Variants in ZNF738 observed in about 807,000 individuals in gnomAD.
The protein encoded by ZNF738 is zinc finger protein 738.
Under a neutral mutation model 9.2 loss-of-function variants are expected in ZNF738, and 10 were observed. That is an observed-to-expected ratio of 1.09 (90% CI 0.67 to 1.85). The LOEUF (loss-of-function observed/expected upper bound fraction) is 1.85. ZNF738 is among the 40% of genes most tolerant of loss of function. ZNF738 has a pLI of 0.00. For missense variants in ZNF738, 346 were observed against 283.6 expected (o/e 1.22, Z -1.58); for synonymous variants, 113 against 94.5 (o/e 1.20, Z -1.14).
At chr19:21,381,904 G>T in intron 4 of ZNF738, 2 of 250,610 alleles carry the variant, frequency 8.0e-6, no homozygotes, top group South Asian at 1.0e-4. Context: ...CAGTTGCCTG[G>T]ACTAAGGAAG....
At chr19:21,375,788 C>T in intron 3 of ZNF738, 81 bp from the exon 4 acceptor site, 3 of 605,536 alleles carry the variant, frequency 5.0e-6, no homozygotes, top group South Asian at 2.1e-5. Context: ...ATTCTATTAC[C>T]TCCTCTTTAC....
At chr19:21,367,689 G>A (rs1973801159) in intron 2 of ZNF738, among the ~76,000 whole-genome samples, 2 of 152,100 alleles carry the variant, frequency 1.3e-5, no homozygotes, top group African/African-American at 4.8e-5. Flanking sequence ...CTTAGGGTGA[G>A]AGAATGAAAA....
intron 4 of ZNF738, chr19:21,378,469 TTTGGTGATGGTATTATACTCAC>T (rs1281378317): frequency 5.7e-6 from 1 of 175,436 alleles, no homozygotes; most frequent in Non-Finnish European, 1.4e-5. Flanking sequence ...GCAGGACAGA[TTTGGTGATGGTATTATACTCAC>T]TTGATAACTA....
At chr19:21,374,102 A>G (rs761415138) in intron 2 of ZNF738, among the ~76,000 whole-genome samples, 1 of 151,256 alleles carries the variant, frequency 6.6e-6, no homozygotes, top group Non-Finnish European at 1.5e-5. Flanking sequence ...GTGGATACTC[A>G]AGATTCCTAT....
At position 21,364,344 on chromosome 19, in the gene ZNF738, C is replaced by CG. The variant is rs568561195; in HGVS notation, c.96+2492dup. On this transcript the variant is annotated intron_variant, in intron 2 of 4. Transcript: ENST00000683779. ...AGAAAGAATGGAGGAGAATGGCAAA[C>CG]GGGGGGTTAAAAAATCAGATTTCAG... Among the ~76,000 whole-genome samples, 3 of 151,580 alleles carry CG rather than the reference C, an allele frequency of 2.0e-5. No homozygotes were observed. The South Asian group carries it at 6.3e-4, about 32-fold the overall frequency.
chr19:21,380,773 G>A (rs1045785281), intron 4 of ZNF738, among the ~76,000 whole-genome samples: 1 of 152,090 alleles, frequency 6.6e-6, no homozygotes, highest in African/African-American at 2.4e-5. Flanking sequence ...TTAAGTTTGG[G>A]TGGGAAAACA....
intron 2 of ZNF738, 140 bp from the exon 3 acceptor site, chr19:21,375,098 G>C: frequency 1.9e-6 from 1 of 517,066 alleles, no homozygotes; most frequent in Non-Finnish European, 3.4e-6. Flanking sequence ...GAATATTTCT[G>C]TGTTGAAAAT....
chr19:21,374,731 G>C (rs1973902717), intron 2 of ZNF738, among the ~76,000 whole-genome samples: 1 of 151,808 alleles, frequency 6.6e-6, no homozygotes, highest in African/African-American at 2.4e-5. Context: ...CCACTTACTG[G>C]ATGTTTGACA....
rs576020994 is a variant in ZNF738, at chr19:21,365,480, A to T, written c.96+3622A>T. Among the ~76,000 whole-genome samples, 14 of 152,268 alleles carry T rather than the reference A, an allele frequency of 9.2e-5. No individual in the cohort carries two copies. The South Asian group carries it at 2.9e-3, about 32-fold the overall frequency. ...ATCATAAGGGTTACAGAGGAATGAAAATTCATCTTCTGTAACTACTTCATG... is the reference window on the plus strand; with the variant it reads ...ATCATAAGGGTTACAGAGGAATGAATATTCATCTTCTGTAACTACTTCATG... On this transcript the variant is annotated intron_variant, in intron 2 of 4. Transcript: ENST00000683779.
rs1404315365 is a variant in ZNF738, at chr19:21,387,033, G to A, written c.*3359G>A. The A allele has an allele frequency of 6.6e-6, 1 of 152,048 alleles. No individual in the cohort carries two copies. Among genetic ancestry groups the A allele is most frequent in the African/African-American group, 2.4e-5 (1 of 41,326 alleles). 9.4% of individuals were successfully genotyped at this position (152,048 alleles called of 1,614,324 possible). The stretch of plus-strand genomic sequence containing the variant: ...AGTCCTCAGATCTTAACACACATAA[G>A]ATAATTCATACTGGAAAGAAACTCC... On this transcript the variant is annotated 3_prime_UTR_variant, in exon 5 of 5. Coordinates refer to ENST00000683779, the MANE Select transcript of ZNF738 (RefSeq NM_001355237.2).
At chr19:21,371,310 C>CTCCT (rs1973854120) in intron 2 of ZNF738, among the ~76,000 whole-genome samples, 1 of 152,226 alleles carries the variant, frequency 6.6e-6, no homozygotes, top group African/African-American at 2.4e-5. Context: ...TGGGAATCCT[C>CTCCT]TCCTAATCAC....
intron 2 of ZNF738, among the ~76,000 whole-genome samples, chr19:21,367,788 C>T (rs1048218868): frequency 6.6e-6 from 1 of 152,196 alleles, no homozygotes; most frequent in African/African-American, 2.4e-5. Flanking sequence ...ACCCACTAGA[C>T]ATTGATGTGT....
rs1974085010 is a variant in ZNF738, at chr19:21,387,831, A to G, written c.*4157A>G. On this transcript the variant is annotated 3_prime_UTR_variant, in exon 5 of 5. Transcript: ENST00000683779. ...TCAAATTTTATTGTACACATTTTGT[A>G]CTAGAGGAAAACTCTGAAGCAGTTG... Among the ~76,000 whole-genome samples, 1 of 152,220 alleles carries G rather than the reference A, an allele frequency of 6.6e-6. No homozygotes were observed. Among genetic ancestry groups the G allele is most frequent in the African/African-American group, 2.4e-5 (1 of 41,462 alleles).
chr19:21,387,924 A>G lies in ZNF738; in HGVS notation c.*4250A>G, dbSNP rs1245589931. Among the ~76,000 whole-genome samples the G allele has an allele frequency of 6.6e-6, 1 of 152,210 alleles. No individual in the cohort carries two copies. The highest frequency in any genetic ancestry group is 1.5e-5 in the Non-Finnish European group (1 of 68,040). On this transcript the variant is annotated 3_prime_UTR_variant, in exon 5 of 5. Transcript: ENST00000683779. Reference sequence around the variant, plus strand: ...GTCTTGCAGATATAATAAATGTGGAAAAACACTTTTTCAAAAACTACATCA... The same window carrying G: ...GTCTTGCAGATATAATAAATGTGGAGAAACACTTTTTCAAAAACTACATCA...
At chr19:21,382,567 C>T (rs540091991) in intron 4 of ZNF738, among the ~76,000 whole-genome samples, 6 of 152,204 alleles carry the variant, frequency 3.9e-5, no homozygotes, top group East Asian at 3.9e-4. Flanking sequence ...TATGTTATAT[C>T]GGGGAGCAGG....
intron 2 of ZNF738, among the ~76,000 whole-genome samples, chr19:21,373,429 C>T (rs1846713): frequency 0.031 from 4,646 of 152,148 alleles, 236 homozygotes; most frequent in African/African-American, 0.099. Context: ...TCACAGGGAC[C>T]GTTCTGTTTG....
At chr19:21,376,242 TG>T in intron 4 of ZNF738, 1 of 295,628 alleles carries the variant, frequency 3.4e-6, no homozygotes, top group Non-Finnish European at 6.4e-6. Context: ...GTCCTCTTCA[TG>T]GCATATAAAA....
chr19:21,378,625 T>TTTTTA, intron 4 of ZNF738: 1 of 333,064 alleles, frequency 3.0e-6, no homozygotes, highest in South Asian at 2.3e-5. Flanking sequence ...TTTTTTTTTT[T>TTTTTA]GAGATGGAGT....
rs1169813100 is a variant in ZNF738 at position 21,384,282 on chromosome 19, T to C, written c.*608T>C. On this transcript the variant is annotated 3_prime_UTR_variant, in exon 5 of 5. Coordinates refer to ENST00000683779, the MANE Select transcript of ZNF738 (RefSeq NM_001355237.2). ...AGAATGTGGCAAAGCCTTTAGTGTA[T>C]TCTCAACCCTTACTAAACATAAGAT... is the stretch of plus-strand genomic sequence containing the variant. 6.6e-6 allele frequency among the ~76,000 whole-genome samples: 1 copy of C among 152,062 alleles called. No individual in the cohort carries two copies. Among genetic ancestry groups the C allele is most frequent in the Non-Finnish European group, 1.5e-5 (1 of 68,002 alleles).
Sources: allele counts gnomAD v4.1 joint callset (sites outside exome capture counted in the v4.1 genomes callset), GRCh38; gene constraint gnomAD v4.1.1; transcripts MANE v1.5; gene names NCBI Gene and HGNC (gene_info 2026-07-23, HGNC 2026-07-21).